The following TENM3 variants were observed in gnomAD, a reference collection of about 807,000 sequenced individuals.
TENM3 encodes the protein teneurin-3.
TENM3 carries 63 observed loss-of-function variants against 255.1 expected under a neutral mutation model. The observed-to-expected ratio is 0.25, with a 90% CI of 0.20 to 0.30. The LOEUF (loss-of-function observed/expected upper bound fraction) is 0.30. Among genes scored for constraint, TENM3 ranks in the 10% least tolerant of loss-of-function variants. The pLI is 1.00. For missense variants in TENM3, 2,929 were observed against 3,461.1 expected (o/e 0.85, Z 3.86); for synonymous variants, 1,306 against 1,322.3 (o/e 0.99, Z 0.27).
the TENM3 span, among the ~76,000 whole-genome samples, chr4:181,868,030 A>C: frequency 2.0e-5 from 3 of 152,212 alleles, no homozygotes; most frequent in African/African-American, 7.2e-5. Context: ...CAGTTTTGAC[A>C]CAATGTTGAG....
chr4:182,743,458 A>G (rs780781990), intron 19 of TENM3, 39 bp downstream of exon 19: 49 of 1,599,070 alleles, frequency 3.1e-5, no homozygotes, highest in Non-Finnish European at 8.6e-6. Context: ...ACCAAAGCTA[A>G]ACGTGCCTCT....
chr4:182,518,516 A>G (rs987192314), intron 3 of TENM3, among the ~76,000 whole-genome samples: 4 of 143,726 alleles, frequency 2.8e-5, no homozygotes, highest in African/African-American at 1.0e-4. Flanking sequence ...CAGTTAGCCT[A>G]AAAAAAAAAA....
At chr4:182,463,603 C>T (rs1021380287) in intron 3 of TENM3, among the ~76,000 whole-genome samples, 11 of 151,038 alleles carry the variant, frequency 7.3e-5, no homozygotes, top group Non-Finnish European at 1.3e-4. Context: ...GGATTACAGG[C>T]GCCTGCCACT....
Position 182,800,344 on chromosome 4 carries a change from G to T in TENM3, c.8093G>T (p.Arg2698Met). 1 of 1,572,312 alleles carries T rather than the reference G, an allele frequency of 6.4e-7. No individual in the cohort carries two copies. Among genetic ancestry groups the T allele is most frequent in the East Asian group, 2.3e-5 (1 of 43,072 alleles). The change falls in exon 28 of 28, where the codon AGG (arginine) becomes ATG (methionine). Residue 2698 changes from arginine to methionine, a missense_variant. Around this residue, in one of 6 missense-constraint regions of TENM3, gnomAD observed 476 missense variants for 480.1 expected, o/e 0.99. Transcript: ENST00000511685. Reference sequence around the variant, plus strand: ...TTCCTGCGGCAGAGCGAGATCGGCAGGAGGTAACGCCCGGGCCGCGCCCGC... The same window carrying T: ...TTCCTGCGGCAGAGCGAGATCGGCATGAGGTAACGCCCGGGCCGCGCCCGC... ...IQFLRQSEIGRR is the reference protein window; with the variant it reads ...IQFLRQSEIGMR
At chr4:182,398,067 A>C (rs774535155) in intron 3 of TENM3, among the ~76,000 whole-genome samples, 2 of 152,140 alleles carry the variant, frequency 1.3e-5, no homozygotes, top group Non-Finnish European at 2.9e-5. Context: ...ACAGCCCATC[A>C]AAATAGAAAT....
chr4:182,634,691 T>G (rs966620701), intron 5 of TENM3, among the ~76,000 whole-genome samples: 7 of 145,256 alleles, frequency 4.8e-5, no homozygotes, highest in African/African-American at 1.8e-4. Context: ...TCATTCTTCT[T>G]TTTTGACTCT....
the TENM3 span, among the ~76,000 whole-genome samples, chr4:181,960,168 C>T: frequency 6.6e-6 from 1 of 152,170 alleles, no homozygotes; most frequent in Non-Finnish European, 1.5e-5. Flanking sequence ...TCTTATACTT[C>T]ATACACTTTC....
the TENM3 span, among the ~76,000 whole-genome samples, chr4:181,780,288 T>C: frequency 2.6e-5 from 4 of 152,128 alleles, no homozygotes; most frequent in Non-Finnish European, 4.4e-5. Context: ...CCACATCCTC[T>C]CCAGCACCTG....
At chr4:182,677,409 G>GT (rs1205890422) in intron 7 of TENM3, among the ~76,000 whole-genome samples, 65 of 152,242 alleles carry the variant, frequency 4.3e-4, no homozygotes, top group African/African-American at 1.4e-3. Context: ...CACTTTTTCA[G>GT]TTACCGTGTT....
chr4:181,905,638 A>G, the TENM3 span, among the ~76,000 whole-genome samples: 2 of 144,586 alleles, frequency 1.4e-5, no homozygotes, highest in Non-Finnish European at 3.0e-5. Flanking sequence ...ATATGTTTTG[A>G]TGTTTACATA....
chr4:181,684,934 T>C, the TENM3 span, among the ~76,000 whole-genome samples: 1 of 143,742 alleles, frequency 7.0e-6, no homozygotes, highest in African/African-American at 2.5e-5. Context: ...TTTTTTTTTT[T>C]TTTTTTTTTT....
At chr4:182,691,238 T>C (rs1274195647) in intron 12 of TENM3, among the ~76,000 whole-genome samples, 1 of 152,246 alleles carries the variant, frequency 6.6e-6, no homozygotes, top group South Asian at 2.1e-4. Flanking sequence ...TCCTCCCCAT[T>C]TTAACCCCTA....
chr4:181,573,521 T>C, the TENM3 span, among the ~76,000 whole-genome samples: 3 of 152,306 alleles, frequency 2.0e-5, no homozygotes, highest in African/African-American at 2.4e-5. Context: ...GTAATAATGA[T>C]ATAAACTGTA....
intron 1 of TENM3, among the ~76,000 whole-genome samples, chr4:182,203,820 T>C (rs933510631): frequency 6.6e-6 from 1 of 152,180 alleles, no homozygotes; most frequent in Non-Finnish European, 1.5e-5. Flanking sequence ...AATATCACCA[T>C]TGCCTGGGCA....
chr4:182,114,471 T>C, the TENM3 span, among the ~76,000 whole-genome samples: 27 of 152,152 alleles, frequency 1.8e-4, no homozygotes, highest in African/African-American at 6.0e-4. Flanking sequence ...ACTTCTTTTT[T>C]TCTTTTCTTC....
At chr4:182,157,121 G>C (rs1311894552) in intron 1 of TENM3, among the ~76,000 whole-genome samples, 4 of 152,196 alleles carry the variant, frequency 2.6e-5, no homozygotes, top group Admixed American at 1.3e-4. Context: ...CGTTAGCAGT[G>C]CCTTGAAACT....
At chr4:182,246,421 C>T (rs138210461) in intron 1 of TENM3, among the ~76,000 whole-genome samples, 2 of 144,588 alleles carry the variant, frequency 1.4e-5, no homozygotes, top group East Asian at 4.0e-4. Context: ...TGAAAGAGCA[C>T]AGGAGGTAGA....
upstream of TENM3, among the ~76,000 whole-genome samples, chr4:182,139,415 T>G (rs1432628816): frequency 6.6e-6 from 1 of 152,218 alleles, no homozygotes; most frequent in Admixed American, 6.5e-5. Context: ...AACCTATATT[T>G]ACAAGTTAAC....
At chr4:182,213,883 G>A (rs1334061268) in intron 1 of TENM3, among the ~76,000 whole-genome samples, 1 of 151,980 alleles carries the variant, frequency 6.6e-6, no homozygotes, top group Admixed American at 6.6e-5. Flanking sequence ...CTCACTGCAA[G>A]CTCTGCCTCC....
Sources: allele counts gnomAD v4.1 joint callset (sites outside exome capture counted in the v4.1 genomes callset), GRCh38; gene constraint gnomAD v4.1.1; regional missense constraint gnomAD v4.1.1; transcripts MANE v1.5; gene names NCBI Gene and HGNC (gene_info 2026-07-23, HGNC 2026-07-21).